The following ERC2 variants were observed in gnomAD, a reference collection of about 807,000 sequenced individuals.
The protein encoded by ERC2 is ERC protein 2.
In ERC2, 42 loss-of-function variants were observed where a neutral mutation model predicts 114.8. That is an observed-to-expected ratio of 0.37 (90% CI 0.29 to 0.47). The LOEUF (loss-of-function observed/expected upper bound fraction) is 0.47, where lower values mean the gene tolerates loss of function less well. Among genes scored for constraint, ERC2 ranks in the 20% least tolerant of loss-of-function variants. The pLI is 0.99. For synonymous variants in ERC2, 454 were observed against 425.5 expected (o/e 1.07, Z -0.82); for missense variants, 939 against 1,150.7 (o/e 0.82, Z 2.66).
At chr3:56,176,754 T>C (rs1445226677) in intron 3 of ERC2, among the ~76,000 whole-genome samples, 1 of 152,196 alleles carries the variant, frequency 6.6e-6, no homozygotes, top group Non-Finnish European at 1.5e-5. Context: ...TTTGAGATTA[T>C]TACAATACTC....
intron 2 of ERC2, among the ~76,000 whole-genome samples, chr3:56,414,370 C>A (rs2061061843): frequency 6.6e-6 from 1 of 152,132 alleles, no homozygotes; most frequent in Non-Finnish European, 1.5e-5. Context: ...AGGCCCTTTC[C>A]CATTTTCTGG....
At chr3:56,287,205 T>C (rs1472868832) in intron 3 of ERC2, among the ~76,000 whole-genome samples, 1 of 152,184 alleles carries the variant, frequency 6.6e-6, no homozygotes, top group Non-Finnish European at 1.5e-5. Flanking sequence ...TGTCTCACAA[T>C]TGACACAGAA....
intron 2 of ERC2, among the ~76,000 whole-genome samples, chr3:56,368,569 T>C (rs536487012): frequency 2.0e-5 from 3 of 152,166 alleles, no homozygotes; most frequent in Non-Finnish European, 2.9e-5. Flanking sequence ...CATTAGTCCT[T>C]ATGGCCATGC....
intron 3 of ERC2, among the ~76,000 whole-genome samples, chr3:56,283,847 A>T (rs1029863339): frequency 2.0e-5 from 3 of 152,254 alleles, no homozygotes; most frequent in African/African-American, 7.2e-5. Context: ...TTAAGCTTAG[A>T]GTGGCAGCTA....
intron 14 of ERC2, among the ~76,000 whole-genome samples, chr3:55,840,715 A>T (rs2061094110): frequency 6.6e-6 from 1 of 152,112 alleles, no homozygotes; most frequent in Non-Finnish European, 1.5e-5. Context: ...ATAGCCCTGA[A>T]CCGGAAACAA....
intron 7 of ERC2, among the ~76,000 whole-genome samples, chr3:56,021,164 A>G (rs1257715684): frequency 1.3e-5 from 2 of 152,202 alleles, no homozygotes; most frequent in Non-Finnish European, 2.9e-5. Flanking sequence ...AAAATAAGGT[A>G]CAGAACAGTG....
At chr3:56,172,202 A>C (rs1311916136) in intron 4 of ERC2, among the ~76,000 whole-genome samples, 1 of 152,126 alleles carries the variant, frequency 6.6e-6, no homozygotes, top group Non-Finnish European at 1.5e-5. Context: ...AGCCAGGGTT[A>C]ATAATTATTG....
chr3:55,854,277 G>A (rs1052926099), intron 14 of ERC2, among the ~76,000 whole-genome samples: 9 of 151,972 alleles, frequency 5.9e-5, no homozygotes, highest in Non-Finnish European at 1.2e-4. Context: ...TCCATCCCAG[G>A]GGAAAACAAA....
intron 6 of ERC2, among the ~76,000 whole-genome samples, chr3:56,091,831 CAAT>C (rs2077809744): frequency 6.6e-6 from 1 of 152,022 alleles, no homozygotes; most frequent in African/African-American, 2.4e-5. Flanking sequence ...TAGTTAATGT[CAAT>C]GATGTATTTA....
rs557739131 is a variant in ERC2, at chr3:55,705,136, C to T, written c.2713-5624G>A. The stretch of plus-strand genomic sequence containing the variant: ...GGAAATAGAAGCCTGACTATAAAAC[C>T]GTATAAGAAGAGGAGGAGGAGAGAA... On this transcript the variant is annotated intron_variant, in intron 15 of 17. Coordinates refer to ENST00000288221, the MANE Select transcript of ERC2 (RefSeq NM_015576.3). Among the ~76,000 whole-genome samples, 31 of 152,076 alleles carry T rather than the reference C, an allele frequency of 2.0e-4. No homozygotes were observed. The South Asian group carries it at 4.0e-3, about 19-fold the overall frequency.
chr3:55,667,694 C>A (rs1298983732), intron 17 of ERC2, among the ~76,000 whole-genome samples: 1 of 152,230 alleles, frequency 6.6e-6, no homozygotes, highest in Non-Finnish European at 1.5e-5. Context: ...CCTGGCCATA[C>A]ACTAACTCAC....
chr3:56,453,407 C>T (rs1186195615), intron 1 of ERC2, among the ~76,000 whole-genome samples: 1 of 152,200 alleles, frequency 6.6e-6, no homozygotes, highest in African/African-American at 2.4e-5. Context: ...AAAGAAGCCA[C>T]TGAGATTTGG....
chr3:55,645,288 C>T (rs1014480189), intron 17 of ERC2, among the ~76,000 whole-genome samples: 11 of 152,192 alleles, frequency 7.2e-5, no homozygotes, highest in Admixed American at 6.5e-5. Context: ...GAGGGCACCA[C>T]GTGACCTCCT....
chr3:55,938,920 C>G (rs2066612084), intron 13 of ERC2, among the ~76,000 whole-genome samples: 1 of 152,080 alleles, frequency 6.6e-6, no homozygotes, highest in Admixed American at 6.5e-5. Flanking sequence ...TATTTCCACA[C>G]CTTCCCCCAA....
intron 1 of ERC2, among the ~76,000 whole-genome samples, chr3:56,437,000 T>C (rs1184256444): frequency 6.6e-6 from 1 of 152,248 alleles, no homozygotes; most frequent in Non-Finnish European, 1.5e-5. Context: ...AGGTGACTGA[T>C]TGCATTAAAG....
intron 3 of ERC2, among the ~76,000 whole-genome samples, chr3:56,276,187 C>T (rs1197557003): frequency 1.3e-5 from 2 of 152,110 alleles, no homozygotes; most frequent in African/African-American, 2.4e-5. Flanking sequence ...CAGCTGATTA[C>T]AGACAGGGGT....
chr3:56,289,654 G>C (rs552528974), intron 3 of ERC2, among the ~76,000 whole-genome samples: 5 of 152,276 alleles, frequency 3.3e-5, no homozygotes, highest in African/African-American at 1.2e-4. Flanking sequence ...TCAGTCATCT[G>C]CTCTCCAATC....
At chr3:55,901,246 C>A (rs965291607) in intron 13 of ERC2, among the ~76,000 whole-genome samples, 1 of 152,164 alleles carries the variant, frequency 6.6e-6, no homozygotes, top group South Asian at 2.1e-4. Flanking sequence ...TATTCTATTT[C>A]AGTTTTCCAT....
rs529194294 is a variant in ERC2 at position 55,572,011 on chromosome 3, G to A, written c.*40-60735C>T. The stretch of plus-strand genomic sequence containing the variant: ...AATTCAGGTGTTCCCTCTAGACCCA[G>A]GGAGTGCAGTTCTTCCTGCCACCCG... On this transcript the variant is annotated intron_variant, in intron 17 of 17. Transcript: ENST00000288221. Among the ~76,000 whole-genome samples, 36 of 152,334 alleles carry A rather than the reference G, an allele frequency of 2.4e-4. 1 individual carries two copies. In the South Asian group the frequency reaches 6.6e-3, roughly 28 times the overall value.
Sources: allele counts gnomAD v4.1 joint callset (sites outside exome capture counted in the v4.1 genomes callset), GRCh38; gene constraint gnomAD v4.1.1; transcripts MANE v1.5; gene names NCBI Gene and HGNC (gene_info 2026-07-23, HGNC 2026-07-21).